The following DENND2A variants were observed in gnomAD, a reference collection of about 807,000 sequenced individuals.
The protein encoded by DENND2A is DENN domain-containing protein 2A.
A neutral mutation model predicts 105.3 loss-of-function variants in DENND2A; 53 were observed. The observed-to-expected ratio is 0.50, with a 90% CI of 0.40 to 0.63. DENND2A has a LOEUF of 0.63. DENND2A is among the 30% of genes least tolerant of loss of function. The pLI is 0.00. For missense variants in DENND2A, 1,138 were observed against 1,279.6 expected (o/e 0.89, Z 1.69); for synonymous variants, 522 against 508.4 (o/e 1.03, Z -0.36).
chr7:140,520,479 G>A (rs537163146), intron 18 of DENND2A, among the ~76,000 whole-genome samples: 13 of 152,078 alleles, frequency 8.5e-5, no homozygotes, highest in African/African-American at 2.6e-4. Context: ...CTCTTAAGCC[G>A]CTTCTCAGAC....
chr7:140,593,605 C>A (rs1013769575), intron 3 of DENND2A, among the ~76,000 whole-genome samples: 1 of 152,216 alleles, frequency 6.6e-6, no homozygotes, highest in African/African-American at 2.4e-5. Flanking sequence ...CCTATTGCCT[C>A]TCTGATGAGA....
At chr7:140,624,868 G>GTTTTTTTTTTTTTT (rs1367069950) in intron 1 of DENND2A, among the ~76,000 whole-genome samples, 13 of 109,212 alleles carry the variant, frequency 1.2e-4, no homozygotes, top group African/African-American at 4.6e-4. Flanking sequence ...GTTTTTTTTT[G>GTTTTTTTTTTTTTT]TTTTTTTTTT....
In DENND2A at chr7:140,640,062, G is replaced by T. The variant is rs982130592; in HGVS notation, c.-248+442C>A. On this transcript the variant is annotated intron_variant, in intron 1 of 19. Transcript: ENST00000496613. The surrounding 1 kb of genome is among the most constrained non-coding windows in gnomAD (Gnocchi z 4.9). Reference sequence around the variant, plus strand: ...TGACCGCTGTGAGGGGGGCCCGGCTGCTCAGCCGCCTCGATGCCCCGCGCT... The same window carrying T: ...TGACCGCTGTGAGGGGGGCCCGGCTTCTCAGCCGCCTCGATGCCCCGCGCT... 1.3e-5 allele frequency among the ~76,000 whole-genome samples: 2 copies of T among 152,224 alleles called. No individual in the cohort carries two copies. The highest frequency in any genetic ancestry group is 2.9e-5 in the Non-Finnish European group (2 of 68,036).
intron 14 of DENND2A, among the ~76,000 whole-genome samples, chr7:140,540,954 G>C (rs1429202731): frequency 2.0e-5 from 3 of 152,080 alleles, no homozygotes; most frequent in Non-Finnish European, 4.4e-5. Context: ...CTGATCTCAG[G>C]TGATCCACTC....
chr7:140,545,771 C>G (rs894866338), intron 13 of DENND2A, among the ~76,000 whole-genome samples: 1 of 152,186 alleles, frequency 6.6e-6, no homozygotes, highest in African/African-American at 2.4e-5. Context: ...CTGCCTCCCT[C>G]CCGGTGAGCA....
chr7:140,567,168 T>G lies in DENND2A; in HGVS notation c.1697A>C (p.Glu566Ala). Residue 566 changes from glutamate to alanine, a missense_variant, in exon 9 of 20, where the codon GAG (glutamate) becomes GCG (alanine). Transcript: ENST00000496613. ...LIEYQERQLF[E>A]YFVVVSLHKK... The stretch of plus-strand genomic sequence containing the variant: ...GTGCAAAGACACAACCACAAAGTAC[T>G]CGAAGAGCTGCCTCTCCTGGTACTC... 1 of 1,613,552 alleles carries G rather than the reference T, an allele frequency of 6.2e-7. No homozygotes were observed. The highest frequency in any genetic ancestry group is 8.5e-7 in the Non-Finnish European group (1 of 1,179,864).
rs1418981482 is a variant in DENND2A, at chr7:140,601,627, G to A, written c.771C>T (p.Ser257=). ...GAGGGTTGATGAAGGGCTTTGTGGG[G>A]GAACCCTCCGAGCCCCTATACACGT... The part of the protein sequence containing the change: ...LENVYRGSEG[S]PTKPFINPLP... The change falls in exon 3 of 20, where the codon TCC becomes TCT. Residue 257 remains serine (S), a synonymous_variant. Transcript: ENST00000496613. 1 of 1,613,188 alleles carries A rather than the reference G, an allele frequency of 6.2e-7. No homozygotes were observed. The highest frequency in any genetic ancestry group is 8.5e-7 in the Non-Finnish European group (1 of 1,179,572).
At chr7:140,538,694 C>T (rs1399919329) in intron 14 of DENND2A, among the ~76,000 whole-genome samples, 3 of 151,566 alleles carry the variant, frequency 2.0e-5, no homozygotes, top group Non-Finnish European at 2.9e-5. Flanking sequence ...TTAATGGAGA[C>T]GGGGTTTCAC....
chr7:140,562,288 C>T (rs935963057), intron 9 of DENND2A, among the ~76,000 whole-genome samples: 4 of 152,156 alleles, frequency 2.6e-5, no homozygotes, highest in African/African-American at 9.7e-5. Flanking sequence ...CCCAAGGTCA[C>T]CATGTGTCAG....
intron 3 of DENND2A, among the ~76,000 whole-genome samples, chr7:140,588,954 G>A (rs60901124): frequency 0.024 from 3,610 of 151,890 alleles, 146 homozygotes; most frequent in African/African-American, 0.082. Flanking sequence ...TGTTGGCCAG[G>A]CTGGTCTCGA....
chr7:140,568,147 G>A (rs1436885504), intron 8 of DENND2A, among the ~76,000 whole-genome samples: 1 of 151,948 alleles, frequency 6.6e-6, no homozygotes, highest in Non-Finnish European at 1.5e-5. Flanking sequence ...TCACTATGTT[G>A]GCCAGGCTGG....
chr7:140,575,248 A>G (rs929493452), intron 5 of DENND2A, among the ~76,000 whole-genome samples: 9 of 152,174 alleles, frequency 5.9e-5, no homozygotes, highest in African/African-American at 2.2e-4. Context: ...TTCATTCCCA[A>G]GAGAAAAGAA....
At chr7:140,623,782 A>C (rs2130725320) in intron 1 of DENND2A, among the ~76,000 whole-genome samples, 1 of 151,858 alleles carries the variant, frequency 6.6e-6, no homozygotes, top group Non-Finnish European at 1.5e-5. Flanking sequence ...TGAACCCTTG[A>C]ATTTAAATAG....
Position 140,561,867 on chromosome 7 carries a change from C to T in DENND2A, c.1780-2050G>A, listed in dbSNP as rs569165434. Reference sequence around the variant, plus strand: ...GCATCAATTTCTTTGTTTCCAATAGCTTGCTAGTGAGATCCACTTTATTTA... The same window carrying T: ...GCATCAATTTCTTTGTTTCCAATAGTTTGCTAGTGAGATCCACTTTATTTA... On this transcript the variant is annotated intron_variant, in intron 9 of 19. Transcript: ENST00000496613. Among the ~76,000 whole-genome samples the T allele has an allele frequency of 6.0e-4, 91 of 151,842 alleles. No individual in the cohort carries two copies. The South Asian group carries it at 0.019, about 31-fold the overall frequency.
intron 3 of DENND2A, among the ~76,000 whole-genome samples, chr7:140,590,040 T>C (rs1405527246): frequency 6.6e-6 from 1 of 152,222 alleles, no homozygotes; most frequent in African/African-American, 2.4e-5. Flanking sequence ...CAACAGAAGA[T>C]ATTTGTATGG....
intron 10 of DENND2A, among the ~76,000 whole-genome samples, chr7:140,558,880 A>G (rs984359414): frequency 6.3e-5 from 9 of 142,302 alleles, no homozygotes; most frequent in African/African-American, 2.4e-4. Context: ...TCGGCTCACC[A>G]CAACCTCTGC....
Position 140,567,224 on chromosome 7 carries a change from A to C in DENND2A, c.1641T>G (p.Pro547=). 6.2e-7 allele frequency: 1 copy of C among 1,612,502 alleles called. No individual in the cohort carries two copies. Among genetic ancestry groups the C allele is most frequent in the Non-Finnish European group, 8.5e-7 (1 of 1,179,424 alleles). Reference sequence around the variant, plus strand: ...GTTCCCGGGCAAGTGATGGGTACCGAGGCGCCTGCTTCAGCCGGGACTTCA... The same window carrying C: ...GTTCCCGGGCAAGTGATGGGTACCGCGGCGCCTGCTTCAGCCGGGACTTCA... ...VNVKSRLKQA[P]RYPSLARELI... The change falls in exon 9 of 20, where the codon CCT becomes CCG. Residue 547 remains proline, a synonymous_variant. Transcript: ENST00000496613.
chr7:140,544,873 A>G (rs1796831379), intron 13 of DENND2A, 107 bp from the exon 14 acceptor site: 1 of 1,484,894 alleles, frequency 6.7e-7, no homozygotes, highest in African/African-American at 1.4e-5. Flanking sequence ...GGGGTGACCC[A>G]CTGGTGGGGG....
At chr7:140,580,322 C>CATGTATGCATGTATGT (rs1798488308) in intron 5 of DENND2A, among the ~76,000 whole-genome samples, 1 of 152,000 alleles carries the variant, frequency 6.6e-6, no homozygotes, top group Non-Finnish European at 1.5e-5. Flanking sequence ...TGCATGTATG[C>CATGTATGCATGTATGT]ATGTATGTAT....
Sources: allele counts gnomAD v4.1 joint callset (sites outside exome capture counted in the v4.1 genomes callset), GRCh38; gene constraint gnomAD v4.1.1; non-coding constraint Gnocchi (gnomAD v3.1); transcripts MANE v1.5; gene names NCBI Gene and HGNC (gene_info 2026-07-23, HGNC 2026-07-21).